LRSAM1: variants seen among roughly 807,000 people sequenced by gnomAD.
The protein encoded by LRSAM1 is leucine rich repeat and sterile alpha motif containing 1.
Under a neutral mutation model 118.1 loss-of-function variants are expected in LRSAM1, and 96 were observed. That is an observed-to-expected ratio of 0.81 (90% CI 0.69 to 0.96). The LOEUF (loss-of-function observed/expected upper bound fraction) is 0.96. Among genes scored for constraint, LRSAM1 ranks in the 40% least tolerant of loss-of-function variants. The pLI, the probability that LRSAM1 is intolerant of heterozygous loss-of-function variation, is 0.00. For synonymous variants in LRSAM1, 322 were observed against 364.2 expected (o/e 0.88, Z 1.32); for missense variants, 804 against 915.5 (o/e 0.88, Z 1.57).
chr9:127,502,229 C>T (rs746561242), intron 25 of LRSAM1, among the ~76,000 whole-genome samples: 1 of 152,168 alleles, frequency 6.6e-6, no homozygotes, highest in Non-Finnish European at 1.5e-5. Context: ...TCAGTTGGGG[C>T]ATTTATATGG....
At chr9:127,469,137 C>T (rs932104067) in intron 10 of LRSAM1, among the ~76,000 whole-genome samples, 9 of 152,010 alleles carry the variant, frequency 5.9e-5, no homozygotes, top group African/African-American at 1.9e-4. Flanking sequence ...TACAGATCCA[C>T]AAGGAAAAGA....
At chr9:127,493,967 G>T (rs1374576806) in intron 21 of LRSAM1, among the ~76,000 whole-genome samples, 1 of 152,266 alleles carries the variant, frequency 6.6e-6, no homozygotes, top group African/African-American at 2.4e-5. Context: ...AACAAGCCAA[G>T]TGGTGCCTGT....
chr9:127,451,551 C>T lies in LRSAM1; in HGVS notation c.-307C>T, dbSNP rs1834322283. The T allele has an allele frequency of 1.7e-6, 1 of 579,576 alleles. No individual in the cohort carries two copies. The highest frequency in any genetic ancestry group is 2.8e-5 in the East Asian group (1 of 35,426). 35.9% of individuals were successfully genotyped at this position (579,576 alleles called of 1,614,324 possible). A position where few individuals can be genotyped will look rare whatever the true frequency, so the allele number is the denominator to read the frequency against. ...TGAGGCTGACGGCTGGCAAGCAGGG[C>T]ACCGCGGTGCGCTGAAGCTAGAGAT... On this transcript the variant is annotated 5_prime_UTR_variant, in exon 1 of 26. Transcript: ENST00000300417.
chr9:127,479,623 C>T, intron 13 of LRSAM1, 118 bp downstream of exon 13: 4 of 1,484,410 alleles, frequency 2.7e-6, no homozygotes, highest in Middle Eastern at 2.4e-4. Flanking sequence ...TCACTTCCTT[C>T]TGTCCCCCAG....
intron 19 of LRSAM1, among the ~76,000 whole-genome samples, chr9:127,489,771 C>T (rs1347976042): frequency 2.6e-5 from 4 of 152,226 alleles, no homozygotes; most frequent in Admixed American, 6.5e-5. Context: ...GTCTCCACCA[C>T]GCCTGGGCCA....
chr9:127,454,598 TG>T lies in LRSAM1; in HGVS notation c.72+1del. The stretch of plus-strand genomic sequence containing the variant: ...AAACGCCTGGAGTACCAGATGTGTT[TG>T]GTGAGGGAAAGTGGGTTTCCTCTAA... Reference protein sequence around the residue: ...ARKRLEYQMCLAKEAGADDIL... With the variant: ...ARKRLEYQMCXAKEAGADDIL... On this transcript the variant is annotated frameshift_variant and splice_region_variant, in exon 3 of 26. Coordinates refer to ENST00000300417, the MANE Select transcript of LRSAM1 (RefSeq NM_001005373.4). LOFTEE classifies it high-confidence loss of function. The T allele has an allele frequency of 1.2e-6, 2 of 1,613,870 alleles. No homozygotes were observed. The highest frequency in any genetic ancestry group is 1.7e-6 in the Non-Finnish European group (2 of 1,179,932).
At chr9:127,468,255 G>A (rs1451850805) in intron 10 of LRSAM1, among the ~76,000 whole-genome samples, 6 of 152,248 alleles carry the variant, frequency 3.9e-5, no homozygotes, top group Non-Finnish European at 5.9e-5. Context: ...GACAGTGCCC[G>A]GGCCCAGTGT....
intron 10 of LRSAM1, among the ~76,000 whole-genome samples, chr9:127,473,541 C>G: frequency 6.6e-6 from 1 of 152,210 alleles, no homozygotes. Context: ...TTTTTCATCA[C>G]TTCATTCTCA....
intron 22 of LRSAM1, among the ~76,000 whole-genome samples, 188 bp downstream of exon 22, chr9:127,495,606 G>T (rs1033065121): frequency 2.6e-5 from 4 of 152,184 alleles, no homozygotes; most frequent in African/African-American, 9.7e-5. Flanking sequence ...TGAGGGGGAC[G>T]ACAAGGCACT....
chr9:127,468,141 G>A (rs1030605138), intron 10 of LRSAM1, among the ~76,000 whole-genome samples: 17 of 152,280 alleles, frequency 1.1e-4, no homozygotes, highest in African/African-American at 2.9e-4. Flanking sequence ...AAGCTGTTCC[G>A]CCAGTAGGTG....
chr9:127,462,750 C>T (rs774575806), intron 9 of LRSAM1, among the ~76,000 whole-genome samples: 4 of 151,180 alleles, frequency 2.6e-5, no homozygotes, highest in Non-Finnish European at 5.9e-5. Flanking sequence ...GGTGATGGGA[C>T]GATCTGTGCA....
At chr9:127,461,987 T>C (rs550516436) in intron 8 of LRSAM1, among the ~76,000 whole-genome samples, 48 of 152,326 alleles carry the variant, frequency 3.2e-4, no homozygotes, top group African/African-American at 1.1e-3. Context: ...CCCCGTGTTC[T>C]TATAAGGCTG....
At position 127,461,184 on chromosome 9, in the gene LRSAM1, G is replaced by T; in HGVS notation, c.333G>T (p.Val111=). ...GQLTALQVLN[V]ERNQLMQLPR... is the part of the protein sequence containing the mutation. ...TTCCTCTTTCTTAGGTCTTAAACGT[G>T]GAAAGGAATCAACTGATGCAGCTCC... Residue 111 remains valine (V), a synonymous_variant, in exon 8 of 26, where the codon GTG becomes GTT. Coordinates refer to ENST00000300417, the MANE Select transcript of LRSAM1 (RefSeq NM_001005373.4). 1.2e-6 allele frequency: 2 copies of T among 1,611,234 alleles called. No homozygotes were observed. Among genetic ancestry groups the T allele is most frequent in the Non-Finnish European group, 1.7e-6 (2 of 1,178,004 alleles).
At chr9:127,497,995 T>A (rs1588139786) in intron 24 of LRSAM1, among the ~76,000 whole-genome samples, 1 of 152,142 alleles carries the variant, frequency 6.6e-6, no homozygotes, top group East Asian at 1.9e-4. Context: ...TGGCAGATGG[T>A]GGAGCCACTG....
chr9:127,459,837 G>C (rs1427356234), intron 7 of LRSAM1, among the ~76,000 whole-genome samples: 1 of 152,192 alleles, frequency 6.6e-6, no homozygotes, highest in Non-Finnish European at 1.5e-5. Flanking sequence ...GGAATTACAG[G>C]CATGAGCCAC....
chr9:127,451,521 G>T lies in LRSAM1; in HGVS notation c.-337G>T. On this transcript the variant is annotated 5_prime_UTR_variant, in exon 1 of 26. Transcript: ENST00000300417. The stretch of plus-strand genomic sequence containing the variant: ...TTGTCGCCATGTTTGTTGTGGGCAG[G>T]CGCCTGAGGCTGACGGCTGGCAAGC... The T allele has an allele frequency of 1.6e-6, 1 of 621,970 alleles. No individual in the cohort carries two copies. The highest frequency in any genetic ancestry group is 2.8e-5 in the East Asian group (1 of 35,880). 38.5% of individuals were successfully genotyped at this position (621,970 alleles called of 1,614,324 possible).
At chr9:127,461,341 G>T (rs1324121308) in intron 8 of LRSAM1, 84 bp downstream of exon 8, 2 of 1,255,696 alleles carry the variant, frequency 1.6e-6, no homozygotes, top group African/African-American at 3.0e-5. Context: ...CCCCGCCCGG[G>T]AGCCATTGAG....
chr9:127,502,422 C>T (rs1490297304), intron 25 of LRSAM1, among the ~76,000 whole-genome samples: 3 of 152,110 alleles, frequency 2.0e-5, no homozygotes, highest in African/African-American at 4.8e-5. Context: ...TGGTGGCTCA[C>T]GCCTGTAATC....
intron 21 of LRSAM1, among the ~76,000 whole-genome samples, chr9:127,494,667 G>A (rs895811229): frequency 6.6e-6 from 1 of 152,188 alleles, no homozygotes; most frequent in African/African-American, 2.4e-5. Flanking sequence ...ATTCAGGCTG[G>A]GTGCAGTGGC....
Sources: allele counts gnomAD v4.1 joint callset (sites outside exome capture counted in the v4.1 genomes callset), GRCh38; gene constraint gnomAD v4.1.1; transcripts MANE v1.5; gene names NCBI Gene and HGNC (gene_info 2026-07-23, HGNC 2026-07-21).